The following SPG11 variants were observed in gnomAD, a reference collection of about 807,000 sequenced individuals.
SPG11 encodes spatacsin.
A neutral mutation model predicts 274.0 loss-of-function variants in SPG11; 222 were observed. That is an observed-to-expected ratio of 0.81 (90% confidence interval 0.73 to 0.91). The LOEUF is 0.91. Ranked by LOEUF, SPG11 falls within the 40% of genes least tolerant of loss-of-function variation. SPG11 has a pLI of 0.00. For synonymous variants in SPG11, 1,144 were observed against 1,039.7 expected, an observed-to-expected ratio of 1.10 and a Z score of -1.93; for missense variants, 3,114 against 2,872.7, an observed-to-expected ratio of 1.08 and a Z score of -1.92.
intron 26 of SPG11, 92 bp downstream of exon 26, chr15:44,595,167 A>T (rs2083002645): frequency 7.6e-7 from 1 of 1,324,484 alleles, no homozygotes; most frequent in South Asian, 1.2e-5. Flanking sequence ...TGGCTAAAAA[A>T]AAATCCAGGG....
chr15:44,628,649 T>C lies in SPG11; in HGVS notation c.2067+20A>G. 6.2e-7 allele frequency: 1 copy of C among 1,605,324 alleles called. No homozygotes were observed. Among genetic ancestry groups the C allele is most frequent in the Non-Finnish European group, 8.5e-7 (1 of 1,173,106 alleles). ...TTCTGAATCTGGCAAATAAAAGAAG[T>C]GATGATTATTCGTACTTACCTCAAA... On this transcript the variant is annotated intron_variant, in intron 10 of 39. Coordinates refer to ENST00000261866, the MANE Select transcript of SPG11 (RefSeq NM_025137.4).
intron 29 of SPG11, 22 bp from the exon 30 acceptor site, chr15:44,584,580 AT>A (rs1323073904): frequency 6.2e-7 from 1 of 1,604,002 alleles, no homozygotes; most frequent in Non-Finnish European, 8.5e-7. Flanking sequence ...AACAAAGCAG[AT>A]TTTAGCCTTT....
intron 20 of SPG11, among the ~76,000 whole-genome samples, chr15:44,604,851 C>A (rs2083279615): frequency 6.8e-6 from 1 of 146,092 alleles, no homozygotes; most frequent in Admixed American, 7.2e-5. Context: ...TGGCATGAAC[C>A]CGGGAGGCAC....
intron 7 of SPG11, among the ~76,000 whole-genome samples, chr15:44,636,939 AAAAAAAAAAAAAAAAAAAC>A (rs2084283725): frequency 1.8e-4 from 18 of 99,336 alleles, no homozygotes; most frequent in East Asian, 4.0e-4. Context: ...AAAAAAAAAA[AAAAAAAAAAAAAAAAAAAC>A]AAAAAAAAAA....
chr15:44,656,036 C>T (rs991404239), intron 4 of SPG11, among the ~76,000 whole-genome samples: 2 of 151,998 alleles, frequency 1.3e-5, no homozygotes, highest in African/African-American at 4.8e-5. Context: ...TGGAGAAAGG[C>T]CCCTAAGAAG....
chr15:44,606,222 A>C, intron 19 of SPG11, 131 bp from the exon 20 acceptor site: 1 of 712,374 alleles, frequency 1.4e-6, no homozygotes, highest in South Asian at 1.6e-5. Context: ...TATTCTGGAC[A>C]TAAATTCTTT....
intron 7 of SPG11, among the ~76,000 whole-genome samples, chr15:44,636,958 C>CAAAAA (rs1328250311): frequency 1.3e-4 from 12 of 89,102 alleles, no homozygotes; most frequent in Admixed American, 7.7e-4. Context: ...AAAAAAAAAA[C>CAAAAA]AAAAAAAAAA....
In SPG11 at chr15:44,663,630, C is replaced by G. The variant is rs767760441; in HGVS notation, c.18G>C (p.Gly6=). The G allele has an allele frequency of 6.3e-7, 1 of 1,595,728 alleles. No individual in the cohort carries two copies. Among genetic ancestry groups the G allele is most frequent in the Non-Finnish European group, 8.5e-7 (1 of 1,176,480 alleles). Residue 6 remains glycine (G), a synonymous_variant, in exon 1 of 40, where the codon GGG becomes GGC. Coordinates refer to ENST00000261866, the MANE Select transcript of SPG11 (RefSeq NM_025137.4). ...CGCCGGCGGAAGCAGCACTCGCGAC[C>G]CCTTCCTCTGCAGCCATCTTGGCCC... The part of the protein sequence containing the change: MAAEE[G]VASAASAGGS...
chr15:44,652,189 T>C lies in SPG11; in HGVS notation c.947A>G (p.Asp316Gly). 1 of 1,614,170 alleles carries C rather than the reference T, an allele frequency of 6.2e-7. No individual in the cohort carries two copies. Among genetic ancestry groups the C allele is most frequent in the Non-Finnish European group, 8.5e-7 (1 of 1,180,010 alleles). ...GTTGTAGGCAGAGTTAACAGGATCA[T>C]CTTCATCTACGCCCTTAGGTCCTTG... ...PIQGPKGVDE[D>G]DPVNSAYNMK... is the part of the protein sequence containing the mutation. The change falls in exon 5 of 40, where the codon GAT becomes GGT. Residue 316 changes from aspartate (D) to glycine (G), a missense_variant. Transcript: ENST00000261866.
At chr15:44,603,464 T>C (rs978608561) in intron 20 of SPG11, among the ~76,000 whole-genome samples, 1 of 152,218 alleles carries the variant, frequency 6.6e-6, no homozygotes, top group Non-Finnish European at 1.5e-5. Context: ...TGTTATCACT[T>C]ACTTTCTGAT....
At chr15:44,624,329 A>G (rs1325790993) in intron 11 of SPG11, among the ~76,000 whole-genome samples, 1 of 150,276 alleles carries the variant, frequency 6.7e-6, no homozygotes, top group African/African-American at 2.5e-5. Flanking sequence ...CTCTACAAAA[A>G]AAGAAAAAAA....
chr15:44,582,648 A>G (rs1314595217), intron 30 of SPG11, among the ~76,000 whole-genome samples: 1 of 152,196 alleles, frequency 6.6e-6, no homozygotes, highest in Non-Finnish European at 1.5e-5. Context: ...TCCAGCAAAA[A>G]ATCAAAAAGA....
At position 44,580,257 on chromosome 15, in the gene SPG11, G is replaced by C. The variant is rs375543927; in HGVS notation, c.5866+3557C>G. On this transcript the variant is annotated intron_variant, in intron 30 of 39. Transcript: ENST00000261866. ...CTGTACTGGCTTGTAGCCCAGGATC[G>C]GTAGGCTATATATCATGTAGTATAG... 1.8e-4 allele frequency among the ~76,000 whole-genome samples: 28 copies of C among 152,172 alleles called. No homozygotes were observed. In the East Asian group the frequency reaches 5.0e-3, roughly 27 times the overall value.
At chr15:44,573,409 A>T (rs2082465833) in intron 32 of SPG11, 138 bp downstream of exon 32, 1 of 893,430 alleles carries the variant, frequency 1.1e-6, no homozygotes, top group Non-Finnish European at 1.8e-6. Context: ...TGTTTTATTT[A>T]AACAAAATAC....
chr15:44,584,674 G>T, intron 29 of SPG11, 116 bp from the exon 30 acceptor site: 1 of 1,280,012 alleles, frequency 7.8e-7, no homozygotes, highest in Non-Finnish European at 1.1e-6. Flanking sequence ...TGTCACCCAG[G>T]CTGGAGAGCA....
At position 44,562,734 on chromosome 15, in the gene SPG11, C is replaced by G. The variant is rs760360481; in HGVS notation, c.*387G>C. On this transcript the variant is annotated 3_prime_UTR_variant, in exon 40 of 40. Transcript: ENST00000261866. ...TATTTTATTACAGAAAGATCAGTTT[C>G]TAACAAATGAAAATGTATCACCTGT... 1 of 177,134 alleles carries G rather than the reference C, an allele frequency of 5.6e-6. No homozygotes were observed. The highest frequency in any genetic ancestry group is 2.4e-5 in the African/African-American group (1 of 41,868). The allele number at this position is 177,134 out of a possible 1,614,324, so 11.0% of individuals were successfully genotyped here. A position where few individuals can be genotyped will look rare whatever the true frequency, so the allele number is the denominator to read the frequency against.
intron 20 of SPG11, among the ~76,000 whole-genome samples, chr15:44,603,639 C>G (rs1360953960): frequency 2.0e-5 from 3 of 152,130 alleles, no homozygotes; most frequent in Admixed American, 2.0e-4. Context: ...TGATATGAGT[C>G]TAGTCATCTC....
Position 44,580,004 on chromosome 15 carries a change from G to C in SPG11, c.5866+3810C>G, listed in dbSNP as rs548590772. Reference sequence around the variant, plus strand: ...AGTTTTCACATTTACTTACCACTTAGTGACAACCAGAGCAACTTCTAGTCC... The same window carrying C: ...AGTTTTCACATTTACTTACCACTTACTGACAACCAGAGCAACTTCTAGTCC... On this transcript the variant is annotated intron_variant, in intron 30 of 39. Coordinates refer to ENST00000261866, the MANE Select transcript of SPG11 (RefSeq NM_025137.4). Among the ~76,000 whole-genome samples, 9 of 152,176 alleles carry C rather than the reference G, an allele frequency of 5.9e-5. 1 individual carries two copies. In the South Asian group the frequency reaches 1.9e-3, roughly 32 times the overall value.
intron 20 of SPG11, among the ~76,000 whole-genome samples, chr15:44,601,894 T>C (rs1034268609): frequency 1.3e-5 from 2 of 152,180 alleles, no homozygotes; most frequent in Admixed American, 6.5e-5. Flanking sequence ...CCCAGCCTCT[T>C]TCACCAATGT....
Sources: allele counts gnomAD v4.1 joint callset (sites outside exome capture counted in the v4.1 genomes callset), GRCh38; gene constraint gnomAD v4.1.1; transcripts MANE v1.5; gene names NCBI Gene and HGNC (gene_info 2026-07-23, HGNC 2026-07-21).